Variants in FOXJ3 observed in about 807,000 individuals in gnomAD.
The protein encoded by FOXJ3 is forkhead box protein J3.
FOXJ3 carries 22 observed loss-of-function variants against 76.1 expected under a neutral mutation model. That is an observed-to-expected ratio of 0.29 (90% CI 0.21 to 0.41). The LOEUF is 0.41. Among genes scored for constraint, FOXJ3 ranks in the 10% least tolerant of loss-of-function variants. FOXJ3 has a pLI of 1.00. For missense variants in FOXJ3, 613 were observed against 762.1 expected, an observed-to-expected ratio of 0.80 and a Z score of 2.30; for synonymous variants, 269 against 261.2, an observed-to-expected ratio of 1.03 and a Z score of -0.29.
At chr1:42,201,428 AAG>A (rs1344725061) in intron 6 of FOXJ3, among the ~76,000 whole-genome samples, 1 of 152,192 alleles carries the variant, frequency 6.6e-6, no homozygotes, top group African/African-American at 2.4e-5. Flanking sequence ...ATTTACAGCT[AAG>A]AGTTTTATTA....
chr1:42,294,796 G>A (rs971945299), intron 2 of FOXJ3, among the ~76,000 whole-genome samples: 7 of 146,978 alleles, frequency 4.8e-5, no homozygotes, highest in Non-Finnish European at 8.9e-5. Context: ...TGAACTTGAG[G>A]GATAGAATGG....
chr1:42,262,569 C>T (rs1021190574), intron 4 of FOXJ3, among the ~76,000 whole-genome samples: 3 of 152,172 alleles, frequency 2.0e-5, no homozygotes, highest in African/African-American at 7.2e-5. Flanking sequence ...CGCTTTGTGG[C>T]CAGGTGCGGC....
At position 42,297,087 on chromosome 1, in the gene FOXJ3, T is replaced by C. The variant is rs569628250; in HGVS notation, c.44+13963A>G. Among the ~76,000 whole-genome samples the C allele has an allele frequency of 5.3e-5, 8 of 152,120 alleles. No individual in the cohort carries two copies. The East Asian group carries it at 5.8e-4, about 11-fold the overall frequency. ...GTGTGTGTGTCTACTGTAAATGGGA[T>C]TGGGTTCTTGATTTGGTTATCAGCT... On this transcript the variant is annotated intron_variant, in intron 2 of 12. Transcript: ENST00000361346.
intron 2 of FOXJ3, among the ~76,000 whole-genome samples, chr1:42,288,898 CATAAAA>C: frequency 1.3e-5 from 2 of 152,216 alleles, no homozygotes; most frequent in East Asian, 3.9e-4. Context: ...AGTTACTTTA[CATAAAA>C]CTTGTTATCT....
chr1:42,284,172 T>C (rs570607620), intron 2 of FOXJ3, among the ~76,000 whole-genome samples: 2 of 152,288 alleles, frequency 1.3e-5, no homozygotes, highest in East Asian at 1.9e-4. Flanking sequence ...ATAGAGAATT[T>C]AGGACATGGC....
At chr1:42,295,492 AAT>A (rs1205952819) in intron 2 of FOXJ3, among the ~76,000 whole-genome samples, 4 of 148,328 alleles carry the variant, frequency 2.7e-5, no homozygotes, top group South Asian at 2.2e-4. Context: ...TGCTGTTATG[AAT>A]AGTGTTGAAC....
In FOXJ3 at chr1:42,181,897, ACT is replaced by A. The variant is rs150006846; in HGVS notation, c.1753+18_1753+19del. 0.062 allele frequency: 59,698 copies of A among 967,782 alleles called. 3 individuals are homozygous for A. Among genetic ancestry groups the A allele is most frequent in the Admixed American group, 0.07 (2,956 of 42,078 alleles). The allele number at this position is 967,782 out of a possible 1,614,324, so 59.9% of individuals were successfully genotyped here. A position where few individuals can be genotyped will look rare whatever the true frequency, so the allele number is the denominator to read the frequency against. On this transcript the variant is annotated intron_variant, in intron 12 of 12. Transcript: ENST00000361346. ...CACACACACACACACACACACACTC[ACT>A]CTCTCTCTCTCTCTTACCTGCCATC...
At chr1:42,200,536 T>C (rs1049893258) in intron 6 of FOXJ3, among the ~76,000 whole-genome samples, 4 of 152,208 alleles carry the variant, frequency 2.6e-5, no homozygotes, top group Admixed American at 1.3e-4. Flanking sequence ...TGGAGTGCAA[T>C]GGTGCGATCT....
intron 5 of FOXJ3, 87 bp from the exon 6 acceptor site, chr1:42,205,950 A>G (rs1268992514): frequency 1.2e-5 from 9 of 720,034 alleles, no homozygotes; most frequent in Non-Finnish European, 2.1e-5. Context: ...CAAATTCTTG[A>G]ACATCCAGTT....
At chr1:42,296,932 C>T (rs949427123) in intron 2 of FOXJ3, among the ~76,000 whole-genome samples, 8 of 152,160 alleles carry the variant, frequency 5.3e-5, no homozygotes, top group African/African-American at 1.9e-4. Flanking sequence ...TCCAATCCAA[C>T]AGCACAAAAT....
chr1:42,203,851 C>A (rs1646809286), intron 6 of FOXJ3, among the ~76,000 whole-genome samples: 1 of 151,930 alleles, frequency 6.6e-6, no homozygotes. Context: ...CAAAAATTAG[C>A]CAGGCGCAGT....
At chr1:42,241,754 C>T (rs1356491484) in intron 4 of FOXJ3, among the ~76,000 whole-genome samples, 1 of 152,212 alleles carries the variant, frequency 6.6e-6, no homozygotes, top group Non-Finnish European at 1.5e-5. Flanking sequence ...TGAGGACACA[C>T]CACCTGTACA....
At chr1:42,320,265 A>G (rs1182554165) in intron 1 of FOXJ3, among the ~76,000 whole-genome samples, 1 of 152,068 alleles carries the variant, frequency 6.6e-6, no homozygotes, top group African/African-American at 2.4e-5. Context: ...CTTCTTCCAA[A>G]CCCCAAACCT....
intron 5 of FOXJ3, among the ~76,000 whole-genome samples, chr1:42,209,505 C>T (rs1646925365): frequency 6.6e-6 from 1 of 152,172 alleles, no homozygotes; most frequent in African/African-American, 2.4e-5. Flanking sequence ...AACTGTGTCT[C>T]TAGAGCTTGA....
intron 2 of FOXJ3, among the ~76,000 whole-genome samples, chr1:42,307,335 C>T (rs774713494): frequency 2.6e-5 from 4 of 152,160 alleles, no homozygotes; most frequent in Admixed American, 2.0e-4. Context: ...AATCATGCAG[C>T]GGCTTCTCAG....
chr1:42,327,147 A>C (rs1173534127), intron 1 of FOXJ3, among the ~76,000 whole-genome samples: 4 of 152,230 alleles, frequency 2.6e-5, no homozygotes, highest in Non-Finnish European at 5.9e-5. Flanking sequence ...CATCCCCTAC[A>C]ATAATATAAA....
At chr1:42,256,146 C>T (rs115867413) in intron 4 of FOXJ3, among the ~76,000 whole-genome samples, 1,902 of 152,284 alleles carry the variant, frequency 0.012, 35 homozygotes, top group African/African-American at 0.043. Context: ...AATTATAAAA[C>T]TTAAAAAGAA....
intron 2 of FOXJ3, among the ~76,000 whole-genome samples, chr1:42,284,469 GA>G (rs2124689450): frequency 6.6e-6 from 1 of 152,294 alleles, no homozygotes; most frequent in South Asian, 2.1e-4. Context: ...AAGAGACAGA[GA>G]AAGTACAGAT....
At chr1:42,239,621 G>C (rs1648971600) in intron 4 of FOXJ3, among the ~76,000 whole-genome samples, 1 of 152,114 alleles carries the variant, frequency 6.6e-6, no homozygotes, top group Non-Finnish European at 1.5e-5. Context: ...TACCTATCTT[G>C]TAAACACTGA....
Sources: gnomAD v4.1 joint callset for allele counts (sites outside exome capture counted in the v4.1 genomes callset) on GRCh38, gnomAD v4.1.1 for gene constraint, MANE v1.5 for transcripts, NCBI Gene and HGNC (gene_info 2026-07-23, HGNC 2026-07-21) for gene names.